PTAFR: variants seen among roughly 807,000 people sequenced by gnomAD.
PTAFR encodes the protein platelet-activating factor receptor.
A neutral mutation model predicts 14.7 loss-of-function variants in PTAFR; 8 were observed. The ratio of observed to expected loss-of-function variants is 0.54; its 90% CI spans 0.32 to 0.98. PTAFR has a LOEUF of 0.98. Among genes scored for constraint, PTAFR ranks in the 50% least tolerant of loss-of-function variants. The pLI is 0.04. For missense variants in PTAFR, 337 were observed against 451.2 expected (o/e 0.75, Z 2.29); for synonymous variants, 156 against 176.5 (o/e 0.88, Z 0.92).
In PTAFR at chr1:28,150,332, C is replaced by T. The variant is rs568828881; in HGVS notation, c.690G>A (p.Ala230=). 2.2e-5 allele frequency: 36 copies of T among 1,613,902 alleles called. No homozygotes were observed. Among genetic ancestry groups the T allele is most frequent in the Middle Eastern group, 1.6e-4 (1 of 6,062 alleles). The change falls in exon 2 of 2, where the codon GCG becomes GCA. Residue 230 remains alanine, a synonymous_variant. Transcript: ENST00000373857. The surrounding 1 kb of genome is among the most constrained non-coding windows in gnomAD (Gnocchi z 6.3). ...QQRNAEVKRR[A]LWMVCTVLAV... is the part of the protein sequence containing the mutation. ...CCAAGACCGTGCACACCATCCACAG[C>T]GCCCGGCGCTTGACTTCAGCGTTGC...
upstream of PTAFR, chr1:28,177,240 A>G (rs1487431263): frequency 1.3e-5 from 2 of 152,408 alleles, no homozygotes; most frequent in African/African-American, 4.8e-5. Context: ...GAGAAAATAA[A>G]AGAAGGGGAG....
chr1:28,154,223 G>A (rs747912044), intron 1 of PTAFR, among the ~76,000 whole-genome samples: 4 of 152,082 alleles, frequency 2.6e-5, no homozygotes, highest in Non-Finnish European at 4.4e-5. Context: ...TTTGCCATAG[G>A]AAGTAAGATC....
chr1:28,153,817 G>A (rs1484635345), intron 1 of PTAFR, among the ~76,000 whole-genome samples: 2 of 151,942 alleles, frequency 1.3e-5, no homozygotes, highest in Non-Finnish European at 2.9e-5. Context: ...AAACCCGGGA[G>A]GCGGAGATTG....
Position 28,191,617 on chromosome 1 carries a change from G to A in PTAFR, c.-39+2105C>T, listed in dbSNP as rs557101420. 2.1e-4 allele frequency among the ~76,000 whole-genome samples: 30 copies of A among 145,088 alleles called. 1 individual carries two copies. In the South Asian group the frequency reaches 6.6e-3, roughly 32 times the overall value. ...GAGAGAGAGAGAGAGAGAGAGAGAG[G>A]TCTCCTAGAGTAACTCAGGCTTCCT... On this transcript the variant is annotated intron_variant, in intron 1 of 1. Coordinates refer to the PTAFR transcript ENST00000305392.
At chr1:28,193,586 G>T (rs1338311797) in intron 1 of PTAFR, 2 of 153,592 alleles carry the variant, frequency 1.3e-5, no homozygotes, top group African/African-American at 4.8e-5. Flanking sequence ...CCTTGAGGGG[G>T]TGCCAACAGG....
intron 1 of PTAFR, among the ~76,000 whole-genome samples, chr1:28,155,701 C>A (rs1004477994): frequency 5.9e-5 from 9 of 151,768 alleles, no homozygotes; most frequent in Non-Finnish European, 1.3e-4. Flanking sequence ...CCCCTCTCTA[C>A]AAAAGAAAAA....
chr1:28,153,030 C>T (rs888026980), intron 1 of PTAFR, among the ~76,000 whole-genome samples: 9 of 152,024 alleles, frequency 5.9e-5, no homozygotes, highest in Non-Finnish European at 1.0e-4. Flanking sequence ...CACAGTGGCT[C>T]ATGCCTGTAA....
At chr1:28,189,886 T>C (rs1221914420) in intron 1 of PTAFR, among the ~76,000 whole-genome samples, 1 of 152,038 alleles carries the variant, frequency 6.6e-6, no homozygotes, top group East Asian at 1.9e-4. Flanking sequence ...GGCTGTTCTC[T>C]AAATCCTGGA....
At chr1:28,185,078 C>G (rs76333169) in intron 1 of PTAFR, among the ~76,000 whole-genome samples, 2 of 152,288 alleles carry the variant, frequency 1.3e-5, no homozygotes, top group South Asian at 2.1e-4. Context: ...GCCATCCCCC[C>G]ACATTCCCAG....
chr1:28,151,457 C>T lies in PTAFR; in HGVS notation c.-38-398G>A, dbSNP rs374335626. ...CCTCCCAAAGTGCTGGGATTACAGG[C>T]ATGAGTCACTGTGCCCGGCCTCATG... On this transcript the variant is annotated intron_variant, in intron 1 of 1. Transcript: ENST00000373857. 3.9e-5 allele frequency among the ~76,000 whole-genome samples: 6 copies of T among 152,210 alleles called. No individual in the cohort carries two copies. The East Asian group carries it at 7.7e-4, about 20-fold the overall frequency.
At chr1:28,166,602 C>T (rs1484307794) in intron 1 of PTAFR, among the ~76,000 whole-genome samples, 6 of 150,982 alleles carry the variant, frequency 4.0e-5, no homozygotes, top group South Asian at 2.1e-4. Context: ...ACCAGGGAGG[C>T]GGAGGTTGCA....
At chr1:28,170,464 G>A (rs561158959) in intron 1 of PTAFR, among the ~76,000 whole-genome samples, 1 of 152,124 alleles carries the variant, frequency 6.6e-6, no homozygotes, top group Non-Finnish European at 1.5e-5. Flanking sequence ...AGCACTTTGA[G>A]AGGCTGAGGT....
chr1:28,161,273 A>G (rs1042294754), intron 1 of PTAFR, among the ~76,000 whole-genome samples: 1 of 152,176 alleles, frequency 6.6e-6, no homozygotes, highest in African/African-American at 2.4e-5. Flanking sequence ...AACCAGAGGC[A>G]GAGACAATGT....
At chr1:28,172,389 G>C (rs910037810) in intron 1 of PTAFR, among the ~76,000 whole-genome samples, 2 of 152,124 alleles carry the variant, frequency 1.3e-5, no homozygotes, top group Non-Finnish European at 2.9e-5. Context: ...TGGTGTCCTC[G>C]TGGCCAGTCC....
intron 1 of PTAFR, among the ~76,000 whole-genome samples, chr1:28,163,130 T>C (rs1646344229): frequency 6.6e-6 from 1 of 152,204 alleles, no homozygotes; most frequent in African/African-American, 2.4e-5. Context: ...CTTTTGCCTA[T>C]TGCTTTACCT....
At chr1:28,160,723 C>T (rs867057359) in intron 1 of PTAFR, among the ~76,000 whole-genome samples, 2 of 152,210 alleles carry the variant, frequency 1.3e-5, no homozygotes, top group Non-Finnish European at 1.5e-5. Context: ...CCACAGGAGC[C>T]CCAGCAAGAG....
At chr1:28,159,449 G>A (rs1365814581) in intron 1 of PTAFR, among the ~76,000 whole-genome samples, 1 of 152,192 alleles carries the variant, frequency 6.6e-6, no homozygotes, top group Non-Finnish European at 1.5e-5. Flanking sequence ...AATCTCATGT[G>A]ATCAGATCAT....
At chr1:28,175,366 C>T (rs1004217610) in intron 1 of PTAFR, among the ~76,000 whole-genome samples, 7 of 152,058 alleles carry the variant, frequency 4.6e-5, no homozygotes, top group Non-Finnish European at 1.0e-4. Context: ...TGAACTCTTT[C>T]TCCGGCGGTT....
At chr1:28,154,269 T>TTA (rs1177751877) in intron 1 of PTAFR, among the ~76,000 whole-genome samples, 1 of 151,994 alleles carries the variant, frequency 6.6e-6, no homozygotes, top group African/African-American at 2.4e-5. Flanking sequence ...TACGGGGTGG[T>TTA]TATATGACTT....
Sources: gnomAD v4.1 joint callset for allele counts (sites outside exome capture counted in the v4.1 genomes callset) on GRCh38, gnomAD v4.1.1 for gene constraint, Gnocchi (gnomAD v3.1) non-coding constraint, MANE v1.5 for transcripts, NCBI Gene and HGNC (gene_info 2026-07-23, HGNC 2026-07-21) for gene names.